The following PROKR2 variants were observed in gnomAD, a reference collection of about 807,000 sequenced individuals.
PROKR2 encodes the protein G protein-coupled receptor 73-like 1.
Under a neutral mutation model 23.4 loss-of-function variants are expected in PROKR2, and 26 were observed. The ratio of observed to expected loss-of-function variants is 1.11; its 90% CI spans 0.81 to 1.54. PROKR2 has a LOEUF of 1.54. Among genes scored for constraint, PROKR2 ranks in the 40% most tolerant of loss-of-function variants. PROKR2 has a pLI of 0.00. For synonymous variants in PROKR2, 212 were observed against 201.2 expected (o/e 1.05, Z -0.45); for missense variants, 453 against 511.5 (o/e 0.89, Z 1.10).
intron 2 of PROKR2, among the ~76,000 whole-genome samples, chr20:5,310,712 C>T (rs6038127): frequency 0.51 from 76,596 of 150,704 alleles, 19,775 homozygotes; most frequent in African/African-American, 0.61. Flanking sequence ...GCTGGCTCCA[C>T]TAGTCCCTCA....
At chr20:5,314,470 C>G in intron 1 of PROKR2, 93 bp from the exon 2 acceptor site, 2 of 1,037,194 alleles carry the variant, frequency 1.9e-6, no homozygotes, top group Non-Finnish European at 3.0e-6. Flanking sequence ...CTGCCCACAT[C>G]CTTGGGGAGA....
intron 2 of PROKR2, among the ~76,000 whole-genome samples, chr20:5,305,140 T>TG (rs34886824): frequency 0.73 from 111,624 of 152,122 alleles, 40,932 homozygotes; most frequent in South Asian, 0.77. Flanking sequence ...GGCTAATCAG[T>TG]TCACTCTAAG....
chr20:5,316,291 C>A lies in PROKR2; in HGVS notation c.-9+203G>T, dbSNP rs1363885335. On this transcript the variant is annotated intron_variant, in intron 1 of 2. Coordinates refer to ENST00000678254, the MANE Select transcript of PROKR2 (RefSeq NM_144773.4). This position sits in a 1 kb window ranked among gnomAD's most constrained non-coding sequence, Gnocchi z 5.0. ...ACACCACAGACTCCGCTTACCGTACCCTACCCGGTCCTAGAGGGCCCAGAG... is the reference window on the plus strand; with the variant it reads ...ACACCACAGACTCCGCTTACCGTACACTACCCGGTCCTAGAGGGCCCAGAG... 4 of 456,600 alleles carry A rather than the reference C, an allele frequency of 8.8e-6. No individual in the cohort carries two copies. In the Admixed American group the frequency reaches 9.4e-5, roughly 11 times the overall value. 28.3% of individuals were successfully genotyped at this position (456,600 alleles called of 1,614,324 possible). A position where few individuals can be genotyped will look rare whatever the true frequency, so the allele number is the denominator to read the frequency against.
chr20:5,315,339 AAAGGCACCATGTCCTGTCACC>A (rs1979624811), intron 1 of PROKR2, among the ~76,000 whole-genome samples: 1 of 152,212 alleles, frequency 6.6e-6, no homozygotes, highest in Admixed American at 6.5e-5. Context: ...ACCCTGCCTG[AAAGGCACCATGTCCTGTCACC>A]AAGGTCTCAA....
At chr20:5,311,153 C>T (rs1288725333) in intron 2 of PROKR2, among the ~76,000 whole-genome samples, 1 of 152,038 alleles carries the variant, frequency 6.6e-6, no homozygotes, top group Non-Finnish European at 1.5e-5. Flanking sequence ...TCAGGAGCCC[C>T]CGGGGAGTGA....
At chr20:5,309,729 G>C (rs17777716) in intron 2 of PROKR2, among the ~76,000 whole-genome samples, 77,623 of 152,056 alleles carry the variant, frequency 0.51, 20,125 homozygotes, top group African/African-American at 0.61. Flanking sequence ...AATCCAAAGG[G>C]CTTAGATAAT....
At chr20:5,307,936 C>T (rs376536046) in intron 2 of PROKR2, among the ~76,000 whole-genome samples, 5 of 152,334 alleles carry the variant, frequency 3.3e-5, no homozygotes, top group East Asian at 3.9e-4. Flanking sequence ...TAAAGCATCC[C>T]ACACCTGACC....
In PROKR2 at chr20:5,302,257, G is replaced by A. The variant is rs772071476; in HGVS notation, c.938C>T (p.Thr313Ile). The A allele has an allele frequency of 3.1e-6, 5 of 1,614,142 alleles. No homozygotes were observed. The African/African-American group carries it at 5.3e-5, about 17-fold the overall frequency. The change falls in exon 3 of 3, where the codon ACT (threonine) becomes ATT (isoleucine). Residue 313 changes from threonine (T) to isoleucine (I), a missense_variant. By Grantham distance (89) the Thr-to-Ile change is moderately conservative (BLOSUM62 -1). Coordinates refer to ENST00000678254, the MANE Select transcript of PROKR2 (RefSeq NM_144773.4). ...TVFVKEKHYL[T>I]AFYVVECIAM... ...GATGCACTCGACCACGTAGAAGGCA[G>A]TGAGGTAGTGCTTTTCCTTCACGAA...
chr20:5,315,495 G>A (rs1979630619), intron 1 of PROKR2, among the ~76,000 whole-genome samples: 1 of 152,196 alleles, frequency 6.6e-6, no homozygotes, highest in Admixed American at 6.5e-5. Flanking sequence ...GGCCCTGGCT[G>A]TCCAGCTGTG....
chr20:5,316,132 G>A lies in PROKR2; in HGVS notation c.-9+362C>T, dbSNP rs765378592. 4.4e-6 allele frequency: 2 copies of A among 456,686 alleles called. No homozygotes were observed. The highest frequency in any genetic ancestry group is 3.1e-5 in the South Asian group (2 of 64,568). 28.3% of individuals were successfully genotyped at this position (456,686 alleles called of 1,614,324 possible). A position where few individuals can be genotyped will look rare whatever the true frequency, so the allele number is the denominator to read the frequency against. ...CGGGTGGGTGGAGGATGCGGTGCGC[G>A]GGAATTTCCCCACGGACGCTTGCTG... On this transcript the variant is annotated intron_variant, in intron 1 of 2. Coordinates refer to ENST00000678254, the MANE Select transcript of PROKR2 (RefSeq NM_144773.4). This position sits in a 1 kb window ranked among gnomAD's most constrained non-coding sequence, Gnocchi z 5.0.
chr20:5,306,847 C>T (rs1182743966), intron 2 of PROKR2, among the ~76,000 whole-genome samples: 2 of 152,110 alleles, frequency 1.3e-5, no homozygotes, highest in African/African-American at 4.8e-5. Context: ...TTGAGCCTGC[C>T]CAAAGGCCAG....
rs1480901008 is a variant in PROKR2 at position 5,316,141 on chromosome 20, C to A, written c.-9+353G>T. Reference sequence around the variant, plus strand: ...GGAGGATGCGGTGCGCGGGAATTTCCCCACGGACGCTTGCTGTTTCCTGCT... The same window carrying A: ...GGAGGATGCGGTGCGCGGGAATTTCACCACGGACGCTTGCTGTTTCCTGCT... On this transcript the variant is annotated intron_variant, in intron 1 of 2. Transcript: ENST00000678254. This position sits in a 1 kb window ranked among gnomAD's most constrained non-coding sequence, Gnocchi z 5.0. The A allele has an allele frequency of 2.2e-6, 1 of 456,568 alleles. No homozygotes were observed. The highest frequency in any genetic ancestry group is 7.0e-5 in the East Asian group (1 of 14,388). The allele number at this position is 456,568 out of a possible 1,614,324, so 28.3% of individuals were successfully genotyped here. A position where few individuals can be genotyped will look rare whatever the true frequency, so the allele number is the denominator to read the frequency against.
intron 2 of PROKR2, among the ~76,000 whole-genome samples, chr20:5,313,067 C>A (rs7262291): frequency 6.6e-6 from 1 of 152,056 alleles, no homozygotes; most frequent in African/African-American, 2.4e-5. Flanking sequence ...ATGCTAATTA[C>A]CTTGGTTGAT....
intron 2 of PROKR2, among the ~76,000 whole-genome samples, chr20:5,305,203 G>A (rs1489171458): frequency 6.6e-6 from 1 of 152,206 alleles, no homozygotes; most frequent in African/African-American, 2.4e-5. Context: ...GGCCCGTCCC[G>A]GGCCCCATTC....
At position 5,301,960 on chromosome 20, in the gene PROKR2, A is replaced by G; in HGVS notation, c.*80T>C. ...GGCATGAACACAGATGTCATTTCCC[A>G]TGCAGCCTATGAACTTGGTTGATGG... On this transcript the variant is annotated 3_prime_UTR_variant, in exon 3 of 3. Transcript: ENST00000678254. 7.6e-7 allele frequency: 1 copy of G among 1,315,626 alleles called. No individual in the cohort carries two copies. The highest frequency in any genetic ancestry group is 2.4e-5 in the East Asian group (1 of 41,822). 81.5% of individuals were successfully genotyped at this position (1,315,626 alleles called of 1,614,324 possible).
At chr20:5,312,971 T>C (rs1979497075) in intron 2 of PROKR2, among the ~76,000 whole-genome samples, 1 of 152,244 alleles carries the variant, frequency 6.6e-6, no homozygotes. Flanking sequence ...ATTACCACAA[T>C]TTATTATATA....
At position 5,315,830 on chromosome 20, in the gene PROKR2, G is replaced by C. The variant is rs1348499666; in HGVS notation, c.-9+664C>G. Reference sequence around the variant, plus strand: ...AATCCCCGCAGCCTCTGCTCAGCGTGGGACCAAGAATGGGGAGTCCTACCC... The same window carrying C: ...AATCCCCGCAGCCTCTGCTCAGCGTCGGACCAAGAATGGGGAGTCCTACCC... On this transcript the variant is annotated intron_variant, in intron 1 of 2. Coordinates refer to ENST00000678254, the MANE Select transcript of PROKR2 (RefSeq NM_144773.4). 4 of 456,640 alleles carry C rather than the reference G, an allele frequency of 8.8e-6. No homozygotes were observed. In the Middle Eastern group the frequency reaches 9.8e-4, roughly 111 times the overall value. The allele number at this position is 456,640 out of a possible 1,614,324, so 28.3% of individuals were successfully genotyped here.
At position 5,314,082 on chromosome 20, in the gene PROKR2, G is replaced by A. The variant is rs1979551779; in HGVS notation, c.288C>T (p.Ala96=). 2 of 1,614,124 alleles carry A rather than the reference G, an allele frequency of 1.2e-6. No homozygotes were observed. The highest frequency in any genetic ancestry group is 1.7e-6 in the Non-Finnish European group (2 of 1,180,058). The change falls in exon 2 of 3, where the codon GCC becomes GCT. Residue 96 remains alanine (A), a synonymous_variant. Coordinates refer to ENST00000678254, the MANE Select transcript of PROKR2 (RefSeq NM_144773.4). ...TGATGGCCACCAGGAAGTCGGAGAT[G>A]GCCAGGTTGGCAATGAGCAGATTGG... is the stretch of plus-strand genomic sequence containing the variant. ...NLTNLLIANL[A]ISDFLVAIIC... is the part of the protein sequence containing the mutation.
rs759092882 is a variant in PROKR2 at position 5,314,331 on chromosome 20, G to T, written c.39C>A (p.Asn13Lys). The T allele has an allele frequency of 5.0e-6, 8 of 1,614,166 alleles. No individual in the cohort carries two copies. Among genetic ancestry groups the T allele is most frequent in the Non-Finnish European group, 6.8e-6 (8 of 1,180,032 alleles). Reference protein sequence around the residue: ...AQNGNTSFTPNFNPPQDHASS... With the variant: ...AQNGNTSFTPKFNPPQDHASS... ...AGGCATGGTCTTGGGGTGGATTAAAGTTGGGTGTGAAACTGGTGTTTCCAT... is the reference window on the plus strand; with the variant it reads ...AGGCATGGTCTTGGGGTGGATTAAATTTGGGTGTGAAACTGGTGTTTCCAT... Residue 13 changes from asparagine (N) to lysine (K), a missense_variant, in exon 2 of 3, where the codon AAC becomes AAA. Asn to Lys is a moderately conservative substitution (Grantham distance 94). Coordinates refer to ENST00000678254, the MANE Select transcript of PROKR2 (RefSeq NM_144773.4).
Sources: allele counts gnomAD v4.1 joint callset (sites outside exome capture counted in the v4.1 genomes callset), GRCh38; gene constraint gnomAD v4.1.1; non-coding constraint Gnocchi (gnomAD v3.1); transcripts MANE v1.5; gene names NCBI Gene and HGNC (gene_info 2026-07-23, HGNC 2026-07-21).